The following LHCGR variants were observed in gnomAD, a reference collection of about 807,000 sequenced individuals.
LHCGR encodes the protein luteinizing hormone/choriogonadotropin receptor, also known as lutropin-choriogonadotropic hormone receptor.
In LHCGR, 55 loss-of-function variants were observed where a neutral mutation model predicts 60.7. The observed-to-expected ratio is 0.91, with a 90% CI of 0.73 to 1.13. LHCGR has a LOEUF of 1.13. Ranked by LOEUF, LHCGR falls within the 50% of genes most tolerant of loss-of-function variation. The pLI is 0.00. For synonymous variants in LHCGR, 337 were observed against 316.5 expected, an observed-to-expected ratio of 1.06 and a Z score of -0.69; for missense variants, 862 against 836.0, an observed-to-expected ratio of 1.03 and a Z score of -0.38.
At chr2:48,692,227 T>G (rs1048114190) in intron 10 of LHCGR, among the ~76,000 whole-genome samples, 3 of 152,218 alleles carry the variant, frequency 2.0e-5, no homozygotes, top group Non-Finnish European at 4.4e-5. Flanking sequence ...ATGAAAACAG[T>G]CCAGCTATTC....
intron 8 of LHCGR, among the ~76,000 whole-genome samples, chr2:48,701,565 G>C (rs763526445): frequency 6.6e-6 from 1 of 152,140 alleles, no homozygotes; most frequent in Non-Finnish European, 1.5e-5. Context: ...TTTCAGGATA[G>C]TCTTCCCTCA....
intron 1 of LHCGR, among the ~76,000 whole-genome samples, chr2:48,754,316 T>C (rs1460227171): frequency 6.6e-6 from 1 of 152,134 alleles, no homozygotes; most frequent in African/African-American, 2.4e-5. Flanking sequence ...TGACAGACTG[T>C]TGGGGGCTCA....
intron 2 of LHCGR, among the ~76,000 whole-genome samples, chr2:48,730,325 T>G (rs1168532540): frequency 6.6e-6 from 1 of 152,156 alleles, no homozygotes; most frequent in Non-Finnish European, 1.5e-5. Flanking sequence ...ACATTCCAAC[T>G]TGAGAGCAGA....
At chr2:48,720,244 CG>C (rs1242255599) in intron 6 of LHCGR, 1 of 152,154 alleles carries the variant, frequency 6.6e-6, no homozygotes, top group Admixed American at 6.5e-5. Flanking sequence ...CTTTGAGTCT[CG>C]TGGGGTGGCC....
chr2:48,721,338 G>A (rs1668484818), intron 6 of LHCGR: 1 of 185,682 alleles, frequency 5.4e-6, no homozygotes, highest in South Asian at 1.2e-4. Flanking sequence ...CACTTTATAA[G>A]CAGCCGGTAG....
intron 10 of LHCGR, among the ~76,000 whole-genome samples, chr2:48,690,053 CTGAT>C (rs961675652): frequency 6.6e-6 from 1 of 152,180 alleles, no homozygotes; most frequent in African/African-American, 2.4e-5. Context: ...AGTTTTCTTC[CTGAT>C]ATCCTTTCTC....
At chr2:48,739,617 A>C (rs973800833) in intron 1 of LHCGR, among the ~76,000 whole-genome samples, 10 of 151,684 alleles carry the variant, frequency 6.6e-5, no homozygotes, top group Non-Finnish European at 1.3e-4. Context: ...AACAATGAGA[A>C]CACATGGACA....
At chr2:48,740,854 G>C (rs182355089) in intron 1 of LHCGR, among the ~76,000 whole-genome samples, 6 of 152,220 alleles carry the variant, frequency 3.9e-5, no homozygotes, top group African/African-American at 1.4e-4. Flanking sequence ...TGACTTTGAC[G>C]AGCTGAGAGA....
At chr2:48,738,940 C>T (rs1669316452) in intron 1 of LHCGR, among the ~76,000 whole-genome samples, 1 of 152,226 alleles carries the variant, frequency 6.6e-6, no homozygotes, top group Admixed American at 6.5e-5. Flanking sequence ...TATGTTTCTA[C>T]TGAACAGCAC....
intron 1 of LHCGR, among the ~76,000 whole-genome samples, chr2:48,755,106 C>T (rs1670148190): frequency 6.6e-6 from 1 of 152,076 alleles, no homozygotes; most frequent in Non-Finnish European, 1.5e-5. Flanking sequence ...CCAGAGCTCA[C>T]ATTCACCTTC....
At position 48,735,035 on chromosome 2, in the gene LHCGR, G is replaced by A. The variant is rs1160314178; in HGVS notation, c.162-3737C>T. ...GTCTTTTTTGCAGTTTTGAACTTTT[G>A]TTTTTAAATAAATTGATGAGGCAAC... is the stretch of plus-strand genomic sequence containing the variant. On this transcript the variant is annotated intron_variant, in intron 1 of 10. Coordinates refer to ENST00000294954, the MANE Select transcript of LHCGR (RefSeq NM_000233.4). Among the ~76,000 whole-genome samples the A allele has an allele frequency of 2.6e-5, 4 of 152,296 alleles. No homozygotes were observed. The South Asian group carries it at 6.2e-4, about 24-fold the overall frequency.
intron 8 of LHCGR, among the ~76,000 whole-genome samples, chr2:48,700,561 G>A (rs568958049): frequency 2.8e-4 from 42 of 152,154 alleles, no homozygotes; most frequent in Non-Finnish European, 5.1e-4. Context: ...GAACACAGTG[G>A]GTTGGTTGTG....
chr2:48,714,582 G>A (rs1395967068), intron 6 of LHCGR, among the ~76,000 whole-genome samples: 3 of 151,360 alleles, frequency 2.0e-5, no homozygotes, highest in East Asian at 1.9e-4. Context: ...AGTCCTTTAA[G>A]ACCATTAGTG....
chr2:48,723,977 A>G lies in LHCGR; in HGVS notation c.384-281T>C, dbSNP rs1237477698. On this transcript the variant is annotated intron_variant, in intron 4 of 10. Transcript: ENST00000294954. ...AAAGGTCTTTTTCATTTATATTTGT[A>G]GCCTGTCTTTTCTTATTAAATCAAT... Among the ~76,000 whole-genome samples the G allele has an allele frequency of 2.0e-5, 3 of 152,176 alleles. No individual in the cohort carries two copies. In the East Asian group the frequency reaches 5.8e-4, roughly 29 times the overall value.
chr2:48,695,288 T>C (rs901501111), intron 9 of LHCGR, among the ~76,000 whole-genome samples: 1 of 152,220 alleles, frequency 6.6e-6, no homozygotes, highest in Admixed American at 6.5e-5. Context: ...GTGGAAGCTC[T>C]GTAGTCTAAT....
chr2:48,731,970 C>T (rs372273021), intron 1 of LHCGR, among the ~76,000 whole-genome samples: 70 of 152,110 alleles, frequency 4.6e-4, no homozygotes, highest in African/African-American at 1.2e-3. Context: ...ATGTCATTTG[C>T]GGGGAATGTC....
chr2:48,687,434 A>G lies in LHCGR; in HGVS notation c.*263T>C. ...TCCTCAGTTTTTTAAAAGATTCATC[A>G]AACAAAATTACTGTGTCAAAATTTC... On this transcript the variant is annotated 3_prime_UTR_variant, in exon 11 of 11. Transcript: ENST00000294954. 2 of 383,210 alleles carry G rather than the reference A, an allele frequency of 5.2e-6. No individual in the cohort carries two copies. Among genetic ancestry groups the G allele is most frequent in the Non-Finnish European group, 9.4e-6 (2 of 213,850 alleles). The allele number at this position is 383,210 out of a possible 1,614,324, so 23.7% of individuals were successfully genotyped here.
intron 4 of LHCGR, among the ~76,000 whole-genome samples, chr2:48,724,664 G>A (rs543189730): frequency 6.6e-6 from 1 of 152,314 alleles, no homozygotes; most frequent in African/African-American, 2.4e-5. Context: ...ATAAGAGGCT[G>A]CAGTGGTCAA....
chr2:48,731,664 T>G (rs930246603), intron 1 of LHCGR, among the ~76,000 whole-genome samples: 1 of 152,096 alleles, frequency 6.6e-6, no homozygotes, highest in African/African-American at 2.4e-5. Context: ...CACAGGGTCA[T>G]TGTGATAATT....
Sources: gnomAD v4.1 joint callset for allele counts (sites outside exome capture counted in the v4.1 genomes callset) on GRCh38, gnomAD v4.1.1 for gene constraint, MANE v1.5 for transcripts, NCBI Gene and HGNC (gene_info 2026-07-23, HGNC 2026-07-21) for gene names.